Variants in STAU2 observed in about 807,000 individuals in gnomAD.
STAU2 encodes the protein double-stranded RNA-binding protein Staufen homolog 2.
Under a neutral mutation model 65.9 loss-of-function variants are expected in STAU2, and 20 were observed. The observed-to-expected ratio is 0.30, with a 90% CI of 0.21 to 0.44. STAU2 has a LOEUF of 0.44. Among genes scored for constraint, STAU2 ranks in the 20% least tolerant of loss-of-function variants. STAU2 has a pLI of 1.00. For synonymous variants in STAU2, 232 were observed against 233.9 expected, an observed-to-expected ratio of 0.99 and a Z score of 0.07; for missense variants, 558 against 683.9, an observed-to-expected ratio of 0.82 and a Z score of 2.05.
At chr8:73,491,827 C>A (rs972714297) in intron 13 of STAU2, among the ~76,000 whole-genome samples, 2 of 151,892 alleles carry the variant, frequency 1.3e-5, no homozygotes, top group South Asian at 4.1e-4. Context: ...ACTAGAACTT[C>A]CATTTTCTGA....
In STAU2 at chr8:73,494,429, G is replaced by C. The variant is rs1331863112; in HGVS notation, c.1530+57583C>G. On this transcript the variant is annotated intron_variant, in intron 13 of 14. Coordinates refer to ENST00000524300, the MANE Select transcript of STAU2 (RefSeq NM_001164380.2). ...TTGGTGTGTGTGTGCATGCATGATT[G>C]CAAGTGACTTACAAACAGCATGTTT... Among the ~76,000 whole-genome samples the C allele has an allele frequency of 2.6e-5, 4 of 151,664 alleles. No individual in the cohort carries two copies. In the South Asian group the frequency reaches 6.2e-4, roughly 24 times the overall value.
intron 6 of STAU2, chr8:73,670,366 G>A (rs1464140489): frequency 6.6e-6 from 1 of 151,930 alleles, no homozygotes; most frequent in Admixed American, 6.6e-5. Context: ...CACTCTGGAA[G>A]CATTACCTAA....
intron 13 of STAU2, among the ~76,000 whole-genome samples, chr8:73,545,734 GCCT>G (rs1806870180): frequency 6.7e-6 from 1 of 150,360 alleles, no homozygotes; most frequent in East Asian, 2.0e-4. Flanking sequence ...TGCAAGCTCC[GCCT>G]CTTGGGTTCA....
At chr8:73,702,236 A>T (rs191408273) in intron 4 of STAU2, among the ~76,000 whole-genome samples, 1 of 152,224 alleles carries the variant, frequency 6.6e-6, no homozygotes. Context: ...CTAAAAGAGT[A>T]TAAGTAGATT....
chr8:73,492,057 C>G (rs1821179194), intron 13 of STAU2, among the ~76,000 whole-genome samples: 1 of 151,638 alleles, frequency 6.6e-6, no homozygotes, highest in African/African-American at 2.4e-5. Flanking sequence ...CCCACACCAC[C>G]AAGAAGTAGA....
At chr8:73,676,620 C>T (rs1328630314) in intron 5 of STAU2, among the ~76,000 whole-genome samples, 1 of 152,202 alleles carries the variant, frequency 6.6e-6, no homozygotes, top group East Asian at 1.9e-4. Context: ...GTTTTTGAGA[C>T]GGAGTCTCGC....
chr8:73,549,807 T>A (rs1482962479), intron 13 of STAU2: 1 of 985,230 alleles, frequency 1.0e-6, no homozygotes, highest in Non-Finnish European at 1.2e-6. Flanking sequence ...AATTTATTGT[T>A]TTTAAGTTTC....
intron 3 of STAU2, among the ~76,000 whole-genome samples, chr8:73,717,427 T>C (rs1563526478): frequency 2.0e-5 from 3 of 152,216 alleles, no homozygotes; most frequent in African/African-American, 7.2e-5. Context: ...AGAAGCCATT[T>C]TGAGTTAGTT....
chr8:73,667,477 T>C (rs996592404), intron 6 of STAU2, among the ~76,000 whole-genome samples: 3 of 152,170 alleles, frequency 2.0e-5, no homozygotes, highest in African/African-American at 7.2e-5. Flanking sequence ...ATTCCTAGCC[T>C]TTGTTGCCAA....
At chr8:73,561,557 CA>C in intron 12 of STAU2, 2 of 453,700 alleles carry the variant, frequency 4.4e-6, no homozygotes, top group South Asian at 3.1e-5. Flanking sequence ...AGAAAAACAC[CA>C]AAAAATGGAT....
chr8:73,584,908 A>G (rs1406474769), intron 11 of STAU2, among the ~76,000 whole-genome samples: 1 of 152,242 alleles, frequency 6.6e-6, no homozygotes, highest in East Asian at 1.9e-4. Context: ...CCTGGTGAAC[A>G]GAAAGAAACA....
At chr8:73,435,093 A>G (rs1257704320) in intron 13 of STAU2, among the ~76,000 whole-genome samples, 1 of 151,622 alleles carries the variant, frequency 6.6e-6, no homozygotes, top group Non-Finnish European at 1.5e-5. Flanking sequence ...TGGTATGGAG[A>G]TGCCCCCCCT....
chr8:73,492,438 G>A (rs972818701), intron 13 of STAU2, among the ~76,000 whole-genome samples: 3 of 151,752 alleles, frequency 2.0e-5, no homozygotes, highest in East Asian at 1.9e-4. Context: ...AATGGAATCC[G>A]AGGCTTAGTA....
intron 13 of STAU2, among the ~76,000 whole-genome samples, chr8:73,435,246 C>T (rs1817605574): frequency 6.6e-6 from 1 of 151,964 alleles, no homozygotes; most frequent in Admixed American, 6.5e-5. Context: ...ATTTGCCTCT[C>T]TAAACTGTGA....
chr8:73,665,242 G>A (rs1436616981), intron 6 of STAU2, among the ~76,000 whole-genome samples: 1 of 152,026 alleles, frequency 6.6e-6, no homozygotes. Context: ...AAGTTACCTT[G>A]CTGCCTATCT....
chr8:73,668,885 A>G, intron 6 of STAU2: 1 of 568,312 alleles, frequency 1.8e-6, no homozygotes, highest in South Asian at 2.5e-5. Context: ...TCATCAGTAG[A>G]GGGTGGTAAA....
intron 13 of STAU2, among the ~76,000 whole-genome samples, chr8:73,535,684 T>C (rs940392394): frequency 7.2e-5 from 11 of 152,228 alleles, no homozygotes; most frequent in Non-Finnish European, 8.8e-5. Context: ...CATACCTATA[T>C]ACATCATTTA....
intron 4 of STAU2, among the ~76,000 whole-genome samples, chr8:73,705,838 A>G (rs778803840): frequency 2.0e-5 from 3 of 152,236 alleles, no homozygotes; most frequent in Admixed American, 6.5e-5. Flanking sequence ...TCAGCATGAT[A>G]TAAGAGAAGA....
At chr8:73,654,907 G>A (rs538766232) in intron 6 of STAU2, among the ~76,000 whole-genome samples, 2 of 151,808 alleles carry the variant, frequency 1.3e-5, no homozygotes, top group Admixed American at 6.6e-5. Context: ...GGATGGTCTC[G>A]ATCTCCTGAC....
Sources: allele counts gnomAD v4.1 joint callset (sites outside exome capture counted in the v4.1 genomes callset), GRCh38; gene constraint gnomAD v4.1.1; transcripts MANE v1.5; gene names NCBI Gene and HGNC (gene_info 2026-07-23, HGNC 2026-07-21).